The following RMST variants were observed in gnomAD, a reference collection of about 807,000 sequenced individuals.
RMST encodes rhabdomyosarcoma 2 associated transcript.
intron 10 of RMST, among the ~76,000 whole-genome samples, chr12:97,506,982 A>G (rs1397244800): frequency 6.6e-6 from 1 of 152,062 alleles, no homozygotes; most frequent in African/African-American, 2.4e-5. Flanking sequence ...GCGCCCGGCC[A>G]GAGGAATCAT....
intron 13 of RMST, among the ~76,000 whole-genome samples, chr12:97,562,827 C>T (rs188606236): frequency 6.6e-6 from 1 of 152,276 alleles, no homozygotes; most frequent in Admixed American, 6.5e-5. Flanking sequence ...TGGTAGTCAC[C>T]TCTAGATGGA....
chr12:97,521,800 A>G (rs986191301), intron 10 of RMST, among the ~76,000 whole-genome samples: 1 of 152,164 alleles, frequency 6.6e-6, no homozygotes, highest in African/African-American at 2.4e-5. Flanking sequence ...CAGTTTGTCT[A>G]TCTCTCCACA....
At position 97,479,133 on chromosome 12, in the gene RMST, C is replaced by CTTTTTTTTTTTTT. The variant is rs386377507; in HGVS notation, n.645-13316_645-13304dup. The stretch of plus-strand genomic sequence containing the variant: ...TACTTTGGGTGTTTCCTTGTCTTTG[C>CTTTTTTTTTTTTT]TTTTTTTTTTTTTTTTTTTTTTTTG... On this transcript the variant is annotated intron_variant and non_coding_transcript_variant, in intron 5 of 13. Coordinates refer to ENST00000640149, the Ensembl canonical transcript of RMST. Among the ~76,000 whole-genome samples, 122 of 69,044 alleles carry CTTTTTTTTTTTTT rather than the reference C, an allele frequency of 1.8e-3. 5 individuals are homozygous for CTTTTTTTTTTTTT. Among genetic ancestry groups the CTTTTTTTTTTTTT allele is most frequent in the Non-Finnish European group, 1.9e-3 (78 of 40,384 alleles). 45.3% of individuals were successfully genotyped at this position (69,044 alleles called of 152,430 possible). A position where few individuals can be genotyped will look rare whatever the true frequency, so the allele number is the denominator to read the frequency against.
At chr12:97,488,106 C>T (rs534551772) in intron 5 of RMST, among the ~76,000 whole-genome samples, 3 of 152,242 alleles carry the variant, frequency 2.0e-5, no homozygotes, top group Admixed American at 2.0e-4. Context: ...GTTTTCTGGC[C>T]AGGCACAGTG....
At chr12:97,536,958 G>T (rs1882123353) in intron 11 of RMST, among the ~76,000 whole-genome samples, 1 of 151,418 alleles carries the variant, frequency 6.6e-6, no homozygotes. Flanking sequence ...AAAATGATCA[G>T]TTTGGTTTAT....
chr12:97,496,418 A>C (rs1485945725), intron 10 of RMST, among the ~76,000 whole-genome samples: 2 of 152,192 alleles, frequency 1.3e-5, no homozygotes, highest in African/African-American at 4.8e-5. Context: ...ATCCCATTAA[A>C]TATACATGTT....
chr12:97,506,977 C>G (rs781719442), intron 10 of RMST, among the ~76,000 whole-genome samples: 1 of 152,096 alleles, frequency 6.6e-6, no homozygotes, highest in South Asian at 2.1e-4. Flanking sequence ...CCACTGCGCC[C>G]GGCCAGAGGA....
intron 5 of RMST, chr12:97,492,014 A>C (rs1876891930): frequency 1.9e-6 from 1 of 524,552 alleles, no homozygotes; most frequent in Non-Finnish European, 4.0e-6. Flanking sequence ...TGAGAACTGG[A>C]GTTTGGATTG....
chr12:97,506,790 TCTC>T, intron 10 of RMST, among the ~76,000 whole-genome samples: 1 of 150,690 alleles, frequency 6.6e-6, no homozygotes, highest in Non-Finnish European at 1.5e-5. Context: ...TTCAAGCAAT[TCTC>T]CTGCCTCAGC....
At chr12:97,482,005 C>T (rs1328882143) in intron 5 of RMST, among the ~76,000 whole-genome samples, 1 of 152,126 alleles carries the variant, frequency 6.6e-6, no homozygotes, top group Non-Finnish European at 1.5e-5. Context: ...AATTTAAATT[C>T]CCTCAACCTA....
At chr12:97,555,715 C>T (rs1883658180) in intron 11 of RMST, among the ~76,000 whole-genome samples, 1 of 152,192 alleles carries the variant, frequency 6.6e-6, no homozygotes, top group Admixed American at 6.5e-5. Context: ...CTCTGGAAAG[C>T]AAAGTCAATA....
intron 10 of RMST, among the ~76,000 whole-genome samples, chr12:97,500,643 C>T (rs894248609): frequency 5.9e-5 from 9 of 152,142 alleles, no homozygotes; most frequent in Non-Finnish European, 1.3e-4. Context: ...ACTGGATTTT[C>T]CCCTAGGATC....
chr12:97,530,191 G>C (rs1335708660), intron 10 of RMST, among the ~76,000 whole-genome samples: 3 of 151,894 alleles, frequency 2.0e-5, no homozygotes, highest in African/African-American at 7.3e-5. Flanking sequence ...TAATACAAGG[G>C]CATCTGAAAA....
chr12:97,479,298 T>A (rs944796497), intron 5 of RMST, among the ~76,000 whole-genome samples: 1 of 151,830 alleles, frequency 6.6e-6, no homozygotes, highest in African/African-American at 2.4e-5. Flanking sequence ...CACACCACTG[T>A]ACCTGCCTAA....
intron 10 of RMST, among the ~76,000 whole-genome samples, chr12:97,507,012 A>T (rs1592701048): frequency 1.3e-5 from 2 of 152,040 alleles, no homozygotes; most frequent in Middle Eastern, 6.8e-3. Flanking sequence ...AGAAGATAAC[A>T]CCTGCAAAAG....
intron 11 of RMST, among the ~76,000 whole-genome samples, chr12:97,540,220 T>A (rs999952813): frequency 6.6e-6 from 1 of 151,678 alleles, no homozygotes; most frequent in Non-Finnish European, 1.5e-5. Flanking sequence ...GTAGGGACAC[T>A]TGAAGTCTAA....
chr12:97,492,080 G>A (rs1483288535), intron 5 of RMST: 3 of 442,848 alleles, frequency 6.8e-6, no homozygotes, highest in African/African-American at 5.9e-5. Context: ...TAAGATGCCT[G>A]CCTTTTAGTG....
intron 5 of RMST, among the ~76,000 whole-genome samples, chr12:97,475,663 C>T (rs1198234224): frequency 1.3e-5 from 2 of 150,850 alleles, no homozygotes; most frequent in African/African-American, 4.9e-5. Flanking sequence ...TGATCCTTCA[C>T]ACTTTACAGG....
At chr12:97,480,094 T>TATC (rs1875066852) in intron 5 of RMST, among the ~76,000 whole-genome samples, 1 of 117,498 alleles carries the variant, frequency 8.5e-6, no homozygotes, top group South Asian at 2.7e-4. Context: ...TTTTTCTTTT[T>TATC]TTTTCTTTTT....
Sources: allele counts gnomAD v4.1 joint callset (sites outside exome capture counted in the v4.1 genomes callset), GRCh38; gene constraint gnomAD v4.1.1; transcripts MANE v1.5; gene names NCBI Gene and HGNC (gene_info 2026-07-23, HGNC 2026-07-21).